Variants in DMD observed in about 807,000 individuals in gnomAD.
DMD encodes the protein dystrophin.
In DMD, 63 loss-of-function variants were observed where a neutral mutation model predicts 330.1. The observed-to-expected ratio is 0.19, with a 90% confidence interval of 0.16 to 0.24. DMD has a LOEUF of 0.24. DMD is among the 10% of genes least tolerant of loss of function. The pLI, the probability that DMD is intolerant of heterozygous loss-of-function variation, is 1.00. For synonymous variants in DMD, 1,223 were observed against 959.8 expected (o/e 1.27, Z -5.07); for missense variants, 3,344 against 2,684.1 (o/e 1.25, Z -5.43).
intron 7 of DMD, among the ~76,000 whole-genome samples, chrX:32,728,027 T>C (rs905308316): frequency 6.3e-5 from 7 of 111,684 alleles, no homozygotes; most frequent in Non-Finnish European, 9.4e-5. Context: ...AAGGCCTCTA[T>C]CAATCAATAT....
At chrX:32,517,986 T>TA in intron 18 of DMD, 22 bp downstream of exon 18, 1 of 1,208,167 alleles carries the variant, frequency 8.3e-7, no homozygotes, top group African/African-American at 1.7e-5. Context: ...AGTACAGATA[T>TA]AAAAATTAAT....
intron 62 of DMD, among the ~76,000 whole-genome samples, chrX:31,283,611 A>G (rs1006266620): frequency 9.0e-6 from 1 of 111,684 alleles, no homozygotes; most frequent in Non-Finnish European, 1.9e-5. Context: ...TTCTAATATG[A>G]GATTAATGTT....
chrX:31,335,413 CA>C lies in DMD; in HGVS notation c.9164-11756del, dbSNP rs771480350. On this transcript the variant is annotated intron_variant, in intron 61 of 78. Coordinates refer to ENST00000357033, the MANE Select transcript of DMD (RefSeq NM_004006.3). ...AATATGCAAGATGTTGTGTTAGATG[CA>C]AAATTATTTTTAATAAAAAAGTAAT... is the stretch of plus-strand genomic sequence containing the variant. Among the ~76,000 whole-genome samples the C allele has an allele frequency of 1.8e-4, 20 of 112,290 alleles. No homozygotes were observed. The East Asian group carries it at 5.3e-3, about 30-fold the overall frequency.
intron 13 of DMD, among the ~76,000 whole-genome samples, chrX:32,577,605 G>T (rs1484353680): frequency 1.8e-5 from 2 of 112,173 alleles, no homozygotes; most frequent in Admixed American, 1.9e-4. Flanking sequence ...ACTGCCAAGG[G>T]TCATCTATTT....
At chrX:32,310,377 T>G in intron 41 of DMD, 101 bp from the exon 42 acceptor site, 1 of 678,575 alleles carries the variant, frequency 1.5e-6, no homozygotes, top group Non-Finnish European at 2.3e-6. Context: ...GACAATTGAA[T>G]CTACAAACTG....
intron 1 of DMD, among the ~76,000 whole-genome samples, chrX:33,292,495 T>A (rs1189794740): frequency 9.0e-6 from 1 of 110,879 alleles, no homozygotes; most frequent in Admixed American, 9.7e-5. Flanking sequence ...TGAGAGCTAC[T>A]GGTTTTAAAT....
At chrX:33,236,177 A>G (rs1673859892) in intron 1 of DMD, among the ~76,000 whole-genome samples, 1 of 108,397 alleles carries the variant, frequency 9.2e-6, no homozygotes, top group Non-Finnish European at 1.9e-5. Flanking sequence ...CGGCCTCCCA[A>G]AGTGCTGGGA....
At chrX:31,734,187 T>G (rs1044310853) in intron 51 of DMD, among the ~76,000 whole-genome samples, 1 of 111,021 alleles carries the variant, frequency 9.0e-6, no homozygotes, top group African/African-American at 3.3e-5. Flanking sequence ...TCTGTGTGTA[T>G]AGATATATAA....
At chrX:32,729,521 C>T (rs1285239171) in intron 7 of DMD, among the ~76,000 whole-genome samples, 1 of 111,625 alleles carries the variant, frequency 9.0e-6, no homozygotes, top group African/African-American at 3.3e-5. Flanking sequence ...AATGATTCTC[C>T]AAGAGGAGTA....
intron 44 of DMD, among the ~76,000 whole-genome samples, chrX:32,215,501 A>G: frequency 9.0e-6 from 1 of 111,722 alleles, no homozygotes. Context: ...ATATGTAGCA[A>G]AATTCATACT....
At chrX:33,031,987 A>G (rs1223113409) in intron 1 of DMD, among the ~76,000 whole-genome samples, 2 of 112,143 alleles carry the variant, frequency 1.8e-5, no homozygotes, top group Non-Finnish European at 3.8e-5. Flanking sequence ...TCCTGACTAT[A>G]TATTTAATTG....
intron 60 of DMD, among the ~76,000 whole-genome samples, chrX:31,390,619 A>G: frequency 9.0e-6 from 1 of 111,256 alleles, no homozygotes; most frequent in Non-Finnish European, 1.9e-5. Flanking sequence ...ATCCATCACC[A>G]AGTCATACAG....
chrX:31,855,410 T>C (rs2093598184), intron 48 of DMD, among the ~76,000 whole-genome samples: 1 of 112,393 alleles, frequency 8.9e-6, no homozygotes, highest in East Asian at 2.8e-4. Flanking sequence ...TCTAAGTTAT[T>C]ATCCATATAG....
chrX:33,061,567 T>A (rs952110772), intron 1 of DMD, among the ~76,000 whole-genome samples: 6 of 111,617 alleles, frequency 5.4e-5, no homozygotes, highest in South Asian at 3.8e-4. Flanking sequence ...GTGTTGTTTT[T>A]GCAGTGGTTA....
chrX:31,548,809 T>C (rs1335088228), intron 55 of DMD, among the ~76,000 whole-genome samples: 1 of 111,441 alleles, frequency 9.0e-6, no homozygotes, highest in African/African-American at 3.3e-5. Flanking sequence ...TCATTTTTTT[T>C]CAAACTAAAT....
intron 12 of DMD, among the ~76,000 whole-genome samples, chrX:32,606,297 C>T (rs1241535393): frequency 9.1e-6 from 1 of 109,876 alleles, no homozygotes; most frequent in African/African-American, 3.3e-5. Flanking sequence ...TCTTTCTGTG[C>T]CTGGCTTATT....
At chrX:31,616,548 CAT>C (rs1425416130) in intron 55 of DMD, among the ~76,000 whole-genome samples, 1 of 111,699 alleles carries the variant, frequency 9.0e-6, no homozygotes, top group Non-Finnish European at 1.9e-5. Flanking sequence ...AGAGGGGAGT[CAT>C]ATATTATTTT....
At chrX:31,908,215 G>C (rs1247650507) in intron 47 of DMD, among the ~76,000 whole-genome samples, 1 of 111,821 alleles carries the variant, frequency 8.9e-6, no homozygotes, top group African/African-American at 3.3e-5. Flanking sequence ...CCATTACTGG[G>C]TATATACCCA....
intron 19 of DMD, among the ~76,000 whole-genome samples, chrX:32,493,493 C>T (rs1450463000): frequency 1.8e-5 from 2 of 111,707 alleles, no homozygotes; most frequent in Non-Finnish European, 3.8e-5. Context: ...ATTCTAATAT[C>T]CTCCTAATGC....
Sources: gnomAD v4.1 joint callset for allele counts (sites outside exome capture counted in the v4.1 genomes callset) on GRCh38, gnomAD v4.1.1 for gene constraint, MANE v1.5 for transcripts, NCBI Gene and HGNC (gene_info 2026-07-23, HGNC 2026-07-21) for gene names.